The following MAGI1 variants were observed in gnomAD, a reference collection of about 807,000 sequenced individuals.
MAGI1 encodes the protein membrane-associated guanylate kinase, WW and PDZ domain-containing protein 1.
A neutral mutation model predicts 139.9 loss-of-function variants in MAGI1; 58 were observed. That is an observed-to-expected ratio of 0.41 (90% CI 0.34 to 0.52). The LOEUF is 0.52. Ranked by LOEUF, MAGI1 falls within the 20% of genes least tolerant of loss-of-function variation. The probability of loss-of-function intolerance (pLI) is 0.12; values close to 1 mark genes in which losing one functional copy is unlikely to be tolerated. For synonymous variants in MAGI1, 812 were observed against 737.9 expected, an observed-to-expected ratio of 1.10 and a Z score of -1.63; for missense variants, 1,874 against 1,901.6, an observed-to-expected ratio of 0.99 and a Z score of 0.27.
At chr3:65,687,466 G>T in intron 1 of MAGI1, 1 of 382,508 alleles carries the variant, frequency 2.6e-6, no homozygotes, top group Non-Finnish European at 5.3e-6. Flanking sequence ...CCTTCAGTGA[G>T]GCCTTCCTGA....
chr3:65,406,328 G>A (rs562754743), intron 12 of MAGI1, among the ~76,000 whole-genome samples: 1 of 151,936 alleles, frequency 6.6e-6, no homozygotes, highest in Admixed American at 6.5e-5. Flanking sequence ...GGGAAAGAGA[G>A]TGGACCTCTC....
At chr3:65,680,448 G>C (rs747267471) in intron 1 of MAGI1, among the ~76,000 whole-genome samples, 3 of 152,132 alleles carry the variant, frequency 2.0e-5, no homozygotes, top group African/African-American at 4.8e-5. Context: ...ACAGTCTCTT[G>C]CTCTGTTGCC....
intron 1 of MAGI1, among the ~76,000 whole-genome samples, chr3:65,826,230 T>G (rs2042222613): frequency 6.6e-6 from 1 of 152,140 alleles, no homozygotes; most frequent in Admixed American, 6.5e-5. Flanking sequence ...TTTTGCAAAG[T>G]TTTTAGAATG....
Position 65,906,406 on chromosome 3 carries a change from G to A in MAGI1, c.313+131590C>T, listed in dbSNP as rs2061434976. On this transcript the variant is annotated intron_variant, in intron 1 of 22. Coordinates refer to ENST00000402939, the MANE Select transcript of MAGI1 (RefSeq NM_001033057.2). ...CATGTCCACTGGTCAGTTTAATACA[G>A]GGCTGAACCACAGCAAGGGGAAGAT... 2.0e-5 allele frequency among the ~76,000 whole-genome samples: 3 copies of A among 152,178 alleles called. No homozygotes were observed. The South Asian group carries it at 6.2e-4, about 31-fold the overall frequency.
intron 1 of MAGI1, among the ~76,000 whole-genome samples, chr3:65,752,133 C>A (rs2036205416): frequency 6.6e-6 from 1 of 152,018 alleles, no homozygotes; most frequent in Non-Finnish European, 1.5e-5. Context: ...ATTTTTTGTA[C>A]AAACAGGGTT....
chr3:65,678,277 A>C (rs998674310), intron 1 of MAGI1, among the ~76,000 whole-genome samples: 1 of 152,160 alleles, frequency 6.6e-6, no homozygotes, highest in African/African-American at 2.4e-5. Context: ...CTATGTAACA[A>C]ACCTGTATGT....
At chr3:65,700,433 G>C (rs1227440005) in intron 1 of MAGI1, among the ~76,000 whole-genome samples, 1 of 151,864 alleles carries the variant, frequency 6.6e-6, no homozygotes, top group East Asian at 1.9e-4. Context: ...CTGGGCTACA[G>C]AGCGAGACTC....
At chr3:65,837,217 C>T (rs1041501534) in intron 1 of MAGI1, among the ~76,000 whole-genome samples, 2 of 152,198 alleles carry the variant, frequency 1.3e-5, no homozygotes, top group Non-Finnish European at 2.9e-5. Flanking sequence ...TCACCTCCTG[C>T]TAGAAATAAT....
In MAGI1 at chr3:65,493,494, G is replaced by A; in HGVS notation, c.550+18C>T. ...ACCCAGGAGAGAAGCTTTTTATGCT[G>A]TCGTACAAGTAACTCACCTTCATAG... On this transcript the variant is annotated intron_variant, in intron 3 of 22. Transcript: ENST00000402939. 1.2e-6 allele frequency: 2 copies of A among 1,614,020 alleles called. No individual in the cohort carries two copies. Among genetic ancestry groups the A allele is most frequent in the Non-Finnish European group, 1.7e-6 (2 of 1,179,978 alleles).
chr3:65,749,973 A>C (rs150740748), intron 1 of MAGI1, among the ~76,000 whole-genome samples: 1 of 152,250 alleles, frequency 6.6e-6, no homozygotes, highest in East Asian at 1.9e-4. Flanking sequence ...ATGATGGTGC[A>C]ATGAGAGATG....
At chr3:65,571,932 A>G (rs2080977386) in intron 2 of MAGI1, among the ~76,000 whole-genome samples, 1 of 152,138 alleles carries the variant, frequency 6.6e-6, no homozygotes, top group African/African-American at 2.4e-5. Context: ...TGGCAAATAT[A>G]CCCAACCTCA....
intron 2 of MAGI1, among the ~76,000 whole-genome samples, chr3:65,612,041 T>C (rs1348505160): frequency 6.6e-6 from 1 of 152,086 alleles, no homozygotes; most frequent in East Asian, 1.9e-4. Context: ...GGCTAGTCTC[T>C]CTATACTTTA....
chr3:65,979,094 C>CCCCCG (rs1553742287), intron 1 of MAGI1, among the ~76,000 whole-genome samples: 1 of 53,056 alleles, frequency 1.9e-5, no homozygotes, highest in East Asian at 7.6e-4. Flanking sequence ...TTCTTCCCCC[C>CCCCCG]CCCCGCCACC....
chr3:65,754,395 GA>G (rs2036396763), intron 1 of MAGI1, among the ~76,000 whole-genome samples: 1 of 152,134 alleles, frequency 6.6e-6, no homozygotes, highest in Admixed American at 6.5e-5. Flanking sequence ...TAGGGCACAG[GA>G]AAATTCATTC....
chr3:65,879,750 G>A (rs539524915), intron 1 of MAGI1, among the ~76,000 whole-genome samples: 27 of 152,286 alleles, frequency 1.8e-4, no homozygotes, highest in East Asian at 1.5e-3. Context: ...TTTCATGATG[G>A]TTATTATTAT....
At chr3:65,379,950 A>G (rs934637093) in intron 16 of MAGI1, among the ~76,000 whole-genome samples, 4 of 152,218 alleles carry the variant, frequency 2.6e-5, no homozygotes, top group African/African-American at 9.6e-5. Context: ...TTGGCTTCAT[A>G]GATACAACCT....
chr3:65,871,569 G>A (rs1373137954), intron 1 of MAGI1, among the ~76,000 whole-genome samples: 2 of 152,242 alleles, frequency 1.3e-5, no homozygotes, highest in Non-Finnish European at 2.9e-5. Flanking sequence ...GCAGTCAGCA[G>A]TCAAGAGCTG....
intron 2 of MAGI1, among the ~76,000 whole-genome samples, chr3:65,609,276 C>CT (rs201118711): frequency 0.015 from 2,281 of 148,924 alleles, 60 homozygotes; most frequent in African/African-American, 0.052. Flanking sequence ...CTCTCTCTCT[C>CT]TTTTTTTTGT....
At chr3:65,953,147 A>C (rs1204407695) in intron 1 of MAGI1, among the ~76,000 whole-genome samples, 1 of 152,208 alleles carries the variant, frequency 6.6e-6, no homozygotes, top group Non-Finnish European at 1.5e-5. Context: ...GAAAACAAGC[A>C]ACAAGACTCT....
Sources: allele counts gnomAD v4.1 joint callset (sites outside exome capture counted in the v4.1 genomes callset), GRCh38; gene constraint gnomAD v4.1.1; transcripts MANE v1.5; gene names NCBI Gene and HGNC (gene_info 2026-07-23, HGNC 2026-07-21).